Variants in RBMS3 observed in about 807,000 individuals in gnomAD.
The protein encoded by RBMS3 is RNA-binding motif, single-stranded-interacting protein 3.
RBMS3 carries 27 observed loss-of-function variants against 66.8 expected under a neutral mutation model. That is an observed-to-expected ratio of 0.40 (90% CI 0.30 to 0.56). The LOEUF is 0.56. Ranked by LOEUF, RBMS3 falls within the 20% of genes least tolerant of loss-of-function variation. RBMS3 has a pLI of 0.40. For missense variants in RBMS3, 513 were observed against 549.5 expected (o/e 0.93, Z 0.66); for synonymous variants, 188 against 183.0 (o/e 1.03, Z -0.22).
At chr3:29,291,509 G>C (rs2032810134) in intron 1 of RBMS3, among the ~76,000 whole-genome samples, 1 of 151,786 alleles carries the variant, frequency 6.6e-6, no homozygotes, top group Admixed American at 6.6e-5. Context: ...TGCGTAATTG[G>C]TGAAATTGTT....
intron 6 of RBMS3, among the ~76,000 whole-genome samples, chr3:29,775,396 T>C (rs2056391581): frequency 6.6e-6 from 1 of 152,026 alleles, no homozygotes; most frequent in Admixed American, 6.6e-5. Flanking sequence ...GCAAATAGCA[T>C]ATTGTTTGAC....
At position 29,391,696 on chromosome 3, in the gene RBMS3, C is replaced by T. The variant is rs545393444; in HGVS notation, c.76-43047C>T. Among the ~76,000 whole-genome samples the T allele has an allele frequency of 2.6e-5, 4 of 152,232 alleles. No individual in the cohort carries two copies. The East Asian group carries it at 7.7e-4, about 29-fold the overall frequency. On this transcript the variant is annotated intron_variant, in intron 1 of 14. Transcript: ENST00000383767. ...GGGTTAGGGAGGGAGACAAGTGGCT[C>T]ACCCTTGGGAAAAGATGTTCATATC... is the stretch of plus-strand genomic sequence containing the variant.
At chr3:29,543,437 G>C (rs9856878) in intron 3 of RBMS3, among the ~76,000 whole-genome samples, 39,307 of 152,128 alleles carry the variant, frequency 0.26, 7,131 homozygotes, top group African/African-American at 0.51. Context: ...GGCTGGGCAA[G>C]GTGGCTAACG....
intron 3 of RBMS3, among the ~76,000 whole-genome samples, chr3:29,580,654 T>C (rs1367213742): frequency 6.7e-6 from 1 of 150,008 alleles, no homozygotes; most frequent in Non-Finnish European, 1.5e-5. Flanking sequence ...CTTCCTTGTA[T>C]GTAGTAGATG....
At chr3:29,895,132 T>C (rs2060096673) in intron 8 of RBMS3, among the ~76,000 whole-genome samples, 2 of 151,572 alleles carry the variant, frequency 1.3e-5, no homozygotes, top group South Asian at 4.1e-4. Context: ...TACAGTACAA[T>C]TTAAGTGACT....
chr3:29,767,669 G>A (rs556213719), intron 6 of RBMS3: 1 of 152,008 alleles, frequency 6.6e-6, no homozygotes, highest in Non-Finnish European at 1.5e-5. Flanking sequence ...ATGGGAGCAA[G>A]CAAGGAAAAA....
At chr3:29,834,628 G>A (rs2058459594) in intron 6 of RBMS3, among the ~76,000 whole-genome samples, 1 of 151,924 alleles carries the variant, frequency 6.6e-6, no homozygotes, top group African/African-American at 2.4e-5. Flanking sequence ...AACTCTTATA[G>A]TAGATACACA....
intron 6 of RBMS3, among the ~76,000 whole-genome samples, chr3:29,862,512 G>A (rs2059239846): frequency 6.6e-6 from 1 of 152,112 alleles, no homozygotes; most frequent in African/African-American, 2.4e-5. Flanking sequence ...AAGAGAAACA[G>A]CATTCAACCT....
chr3:29,565,598 A>G (rs999776588), intron 3 of RBMS3, among the ~76,000 whole-genome samples: 1 of 152,182 alleles, frequency 6.6e-6, no homozygotes, highest in Non-Finnish European at 1.5e-5. Context: ...GGTCCTTGAC[A>G]CAAAGTCCTT....
At chr3:29,593,826 G>T (rs2047850733) in intron 4 of RBMS3, among the ~76,000 whole-genome samples, 1 of 152,168 alleles carries the variant, frequency 6.6e-6, no homozygotes, top group East Asian at 1.9e-4. Flanking sequence ...GTTTCATGAA[G>T]TTCACATAGG....
intron 6 of RBMS3, among the ~76,000 whole-genome samples, chr3:29,858,871 C>T (rs533131080): frequency 2.2e-4 from 33 of 152,022 alleles, no homozygotes; most frequent in African/African-American, 6.8e-4. Flanking sequence ...CTATTTAGGC[C>T]GTAATACAAT....
chr3:29,776,796 AC>A (rs1005273769), intron 6 of RBMS3, among the ~76,000 whole-genome samples: 15 of 151,956 alleles, frequency 9.9e-5, no homozygotes, highest in Non-Finnish European at 2.1e-4. Context: ...ATCCTTTGCA[AC>A]TAGGTAAGGA....
intron 3 of RBMS3, among the ~76,000 whole-genome samples, chr3:29,530,705 C>CAA (rs35876128): frequency 0.017 from 2,098 of 123,700 alleles, 27 homozygotes; most frequent in African/African-American, 0.029. Context: ...ACTAAAAATA[C>CAA]AAAAAAAAAA....
chr3:29,833,926 G>C (rs138999279), intron 6 of RBMS3, among the ~76,000 whole-genome samples: 1 of 151,788 alleles, frequency 6.6e-6, no homozygotes, highest in African/African-American at 2.4e-5. Flanking sequence ...TTTTGAAAGC[G>C]CCAAGAAAAA....
chr3:30,006,484 G>C lies in RBMS3; in HGVS notation c.*2622G>C, dbSNP rs1166246560. 2 of 151,898 alleles carry C rather than the reference G, an allele frequency of 1.3e-5. No homozygotes were observed. The highest frequency in any genetic ancestry group is 2.9e-5 in the Non-Finnish European group (2 of 67,846). 9.4% of individuals were successfully genotyped at this position (151,898 alleles called of 1,614,324 possible). ...CCATTATGGTTTTTCATGCTTTAGA[G>C]AAAATGCTAGATTTATACTGTCTTT... On this transcript the variant is annotated 3_prime_UTR_variant, in exon 15 of 15. Transcript: ENST00000383767.
intron 4 of RBMS3, among the ~76,000 whole-genome samples, chr3:29,637,897 A>G (rs1455837464): frequency 1.3e-5 from 2 of 151,888 alleles, no homozygotes; most frequent in Non-Finnish European, 2.9e-5. Flanking sequence ...GACCCCTAAG[A>G]AGCCACTGGT....
chr3:29,687,108 T>A (rs1006845984), intron 4 of RBMS3, among the ~76,000 whole-genome samples: 8 of 152,222 alleles, frequency 5.3e-5, no homozygotes, highest in African/African-American at 1.9e-4. Flanking sequence ...TGGTTTCTTT[T>A]TGAGTCAGAT....
chr3:29,302,673 A>C (rs964632870), intron 1 of RBMS3, among the ~76,000 whole-genome samples: 1 of 152,060 alleles, frequency 6.6e-6, no homozygotes, highest in Non-Finnish European at 1.5e-5. Flanking sequence ...CACAGAAGGT[A>C]CTGACAGTAG....
intron 2 of RBMS3, among the ~76,000 whole-genome samples, chr3:29,443,112 A>G (rs1411500766): frequency 6.6e-6 from 1 of 152,090 alleles, no homozygotes; most frequent in African/African-American, 2.4e-5. Context: ...TTGTCCAAAG[A>G]GGGTTATTCT....
Sources: allele counts gnomAD v4.1 joint callset (sites outside exome capture counted in the v4.1 genomes callset), GRCh38; gene constraint gnomAD v4.1.1; transcripts MANE v1.5; gene names NCBI Gene and HGNC (gene_info 2026-07-23, HGNC 2026-07-21).